Variants in PXK observed in about 807,000 individuals in gnomAD.
PXK encodes the protein PX domain-containing protein kinase-like protein.
In PXK, 35 loss-of-function variants were observed where a neutral mutation model predicts 84.7. The ratio of observed to expected loss-of-function variants is 0.41; its 90% CI spans 0.32 to 0.55. The LOEUF is 0.55. Among genes scored for constraint, PXK ranks in the 20% least tolerant of loss-of-function variants. PXK has a pLI of 0.21. For synonymous variants in PXK, 253 were observed against 260.8 expected (o/e 0.97, Z 0.29); for missense variants, 634 against 699.7 (o/e 0.91, Z 1.06).
At chr3:58,336,067 ATATATTTT>A (rs1201155405) in intron 1 of PXK, among the ~76,000 whole-genome samples, 24 of 59,510 alleles carry the variant, frequency 4.0e-4, no homozygotes, top group African/African-American at 1.2e-3. Context: ...ATATATATAT[ATATATTTT>A]TTTTTTTTTT....
At chr3:58,369,050 C>A (rs1184402733) in intron 2 of PXK, among the ~76,000 whole-genome samples, 3 of 151,448 alleles carry the variant, frequency 2.0e-5, no homozygotes, top group Non-Finnish European at 4.4e-5. Flanking sequence ...TCAAAACTGT[C>A]CATTTCCTCT....
At chr3:58,392,849 A>G (rs1461691389) in intron 7 of PXK, among the ~76,000 whole-genome samples, 1 of 151,696 alleles carries the variant, frequency 6.6e-6, no homozygotes, top group Non-Finnish European at 1.5e-5. Context: ...TTTAGTAGAG[A>G]TGGGGTTTCA....
intron 9 of PXK, 146 bp from the exon 10 acceptor site, chr3:58,396,893 G>A: frequency 1.3e-6 from 1 of 759,132 alleles, no homozygotes. Flanking sequence ...CCAAACAAAT[G>A]GGTAGAGGTG....
chr3:58,424,752 G>A lies in PXK; in HGVS notation c.1529G>A (p.Gly510Glu). 6.2e-7 allele frequency: 1 copy of A among 1,613,150 alleles called. No individual in the cohort carries two copies. The highest frequency in any genetic ancestry group is 8.5e-7 in the Non-Finnish European group (1 of 1,179,826). ...TGATTGTCCCCCTTTTCCTCCACAG[G>A]GATATCTGCATTACCTCCACCTCCT... ...PSSPTPPSTS[G>E]ISALPPPPPP... Residue 510 changes from glycine (G) to glutamate (E), a missense_variant and splice_region_variant, in exon 18 of 18, where the codon GGG becomes GAG. Gly to Glu is a moderately conservative substitution (Grantham distance 98). Coordinates refer to ENST00000356151, the MANE Select transcript of PXK (RefSeq NM_017771.5).
In PXK at chr3:58,385,218, C is replaced by T. The variant is rs930712062; in HGVS notation, c.388+2518C>T. Among the ~76,000 whole-genome samples the T allele has an allele frequency of 4.6e-5, 7 of 152,172 alleles. No homozygotes were observed. The highest frequency in any genetic ancestry group is 8.8e-5 in the Non-Finnish European group (6 of 68,026). On this transcript the variant is annotated intron_variant, in intron 4 of 17. Transcript: ENST00000356151. This position sits in a 1 kb window ranked among gnomAD's most constrained non-coding sequence, Gnocchi z 5.1. ...ATAAAAAGACCACCAGAAACTCCTG[C>T]CGGAACCTGTGCTGGCTGCTATTCA...
Position 58,397,754 on chromosome 3 carries a change from C to A in PXK, c.1102+32C>A. ...ATGGGGTTGGGAAGGGTCTTCTGGG[C>A]CCTAGTAGTGTGCAGAGCCACTCAT... On this transcript the variant is annotated intron_variant, in intron 11 of 17. Transcript: ENST00000356151. This position sits in a 1 kb window ranked among gnomAD's most constrained non-coding sequence, Gnocchi z 4.7. The A allele has an allele frequency of 6.5e-7, 1 of 1,546,554 alleles. No individual in the cohort carries two copies. Among genetic ancestry groups the A allele is most frequent in the Non-Finnish European group, 8.9e-7 (1 of 1,119,614 alleles).
chr3:58,360,523 G>A (rs111564355), intron 1 of PXK, among the ~76,000 whole-genome samples: 314 of 152,140 alleles, frequency 2.1e-3, no homozygotes, highest in African/African-American at 7.2e-3. Flanking sequence ...CAGGCTGGGC[G>A]CAGTGGCTCA....
intron 1 of PXK, among the ~76,000 whole-genome samples, chr3:58,362,015 CT>C (rs1441742316): frequency 2.0e-4 from 30 of 152,148 alleles, no homozygotes; most frequent in African/African-American, 3.6e-4. Flanking sequence ...GGTGTTATTA[CT>C]GTTTTTTATT....
At chr3:58,348,860 T>C (rs1482575515) in intron 1 of PXK, among the ~76,000 whole-genome samples, 1 of 152,090 alleles carries the variant, frequency 6.6e-6, no homozygotes, top group Non-Finnish European at 1.5e-5. Flanking sequence ...TGCAGTGAGC[T>C]ATGATTGCAC....
intron 1 of PXK, among the ~76,000 whole-genome samples, chr3:58,355,459 T>C (rs1414816743): frequency 1.3e-5 from 2 of 152,236 alleles, no homozygotes; most frequent in Non-Finnish European, 2.9e-5. Context: ...CTTGAGCGAC[T>C]TAACACGTTT....
At position 58,399,175 on chromosome 3, in the gene PXK, G is replaced by A; in HGVS notation, c.1103-124G>A. The A allele has an allele frequency of 1.2e-6, 1 of 810,464 alleles. No individual in the cohort carries two copies. The highest frequency in any genetic ancestry group is 2.0e-5 in the Admixed American group (1 of 49,304). 50.2% of individuals were successfully genotyped at this position (810,464 alleles called of 1,614,324 possible). A position where few individuals can be genotyped will look rare whatever the true frequency, so the allele number is the denominator to read the frequency against. ...CGTATGCCATCTGTCTGTGTGTGAA[G>A]ATTTTTGACACTGTCCTGATCAGCC... On this transcript the variant is annotated intron_variant, in intron 11 of 17. Coordinates refer to ENST00000356151, the MANE Select transcript of PXK (RefSeq NM_017771.5). The surrounding 1 kb of genome is among the most constrained non-coding windows in gnomAD (Gnocchi z 4.3).
At chr3:58,410,612 C>A (rs890866755) in intron 16 of PXK, among the ~76,000 whole-genome samples, 1 of 152,134 alleles carries the variant, frequency 6.6e-6, no homozygotes, top group African/African-American at 2.4e-5. Flanking sequence ...GGCAAGAAAC[C>A]GAGATGGTAC....
chr3:58,354,384 G>A lies in PXK; in HGVS notation c.103-11490G>A, dbSNP rs200381469. Among the ~76,000 whole-genome samples, 3 of 152,098 alleles carry A rather than the reference G, an allele frequency of 2.0e-5. No individual in the cohort carries two copies. In the East Asian group the frequency reaches 5.8e-4, roughly 29 times the overall value. On this transcript the variant is annotated intron_variant, in intron 1 of 17. Coordinates refer to ENST00000356151, the MANE Select transcript of PXK (RefSeq NM_017771.5). ...AGATTATGAGGTTTGGTTGGTGGTT[G>A]CGTCATCTGTTTCCTTCCACTCATG...
At chr3:58,422,966 C>CAA in intron 17 of PXK, 1 of 985,424 alleles carries the variant, frequency 1.0e-6, no homozygotes, top group Non-Finnish European at 1.2e-6. Flanking sequence ...CCCTGAATAT[C>CAA]AAGTCCAGAT....
chr3:58,343,913 C>T (rs1169172186), intron 1 of PXK, among the ~76,000 whole-genome samples: 1 of 152,200 alleles, frequency 6.6e-6, no homozygotes, highest in Non-Finnish European at 1.5e-5. Flanking sequence ...ATTTTCCTTC[C>T]TCTGAAATTC....
At position 58,385,119 on chromosome 3, in the gene PXK, CTA is replaced by C; in HGVS notation, c.388+2420_388+2421del. On this transcript the variant is annotated intron_variant, in intron 4 of 17. Coordinates refer to ENST00000356151, the MANE Select transcript of PXK (RefSeq NM_017771.5). The surrounding 1 kb of genome is among the most constrained non-coding windows in gnomAD (Gnocchi z 5.1). Reference sequence around the variant, plus strand: ...CACATGCTGTTGTTGTCTTTGATCTCTACTCCCCCTCCCCACCCCCAGGCCTC... The same window carrying C: ...CACATGCTGTTGTTGTCTTTGATCTCCTCCCCCTCCCCACCCCCAGGCCTC... Among the ~76,000 whole-genome samples the C allele has an allele frequency of 1.3e-5, 2 of 152,264 alleles. No individual in the cohort carries two copies. Among genetic ancestry groups the C allele is most frequent in the Middle Eastern group, 6.8e-3 (2 of 294 alleles).
At chr3:58,349,120 G>C (rs1259981055) in intron 1 of PXK, among the ~76,000 whole-genome samples, 3 of 150,264 alleles carry the variant, frequency 2.0e-5, no homozygotes, top group Non-Finnish European at 4.4e-5. Flanking sequence ...TGTAGCCCCA[G>C]TTACTAGGGA....
intron 17 of PXK, chr3:58,420,706 T>C: frequency 6.8e-7 from 1 of 1,475,740 alleles, no homozygotes; most frequent in Non-Finnish European, 8.9e-7. Flanking sequence ...TATCTGAATA[T>C]TTAAATGAAA....
Position 58,382,532 on chromosome 3 carries a change from C to T in PXK, c.220C>T (p.Pro74Ser), listed in dbSNP as rs1365336999. 2 of 1,566,596 alleles carry T rather than the reference C, an allele frequency of 1.3e-6. No homozygotes were observed. Among genetic ancestry groups the T allele is most frequent in the Non-Finnish European group, 1.7e-6 (2 of 1,162,826 alleles). Residue 74 changes from proline (P) to serine (S), a missense_variant, in exon 4 of 18, where the codon CCT becomes TCT. Physicochemically the swap from Pro to Ser is moderately conservative, Grantham distance 74. This residue lies in a region of PXK where 353 missense variants were observed against 385.2 expected (regional missense o/e 0.92). Coordinates refer to ENST00000356151, the MANE Select transcript of PXK (RefSeq NM_017771.5). ...TTTAAAGATTGCAGGCCTAAGTCTACCTCTTCCTCCCAAAAAATTGATTGG... is the reference window on the plus strand; with the variant it reads ...TTTAAAGATTGCAGGCCTAAGTCTATCTCTTCCTCCCAAAAAATTGATTGG... ...NSLQIAGLSLPLPPKKLIGNM... is the reference protein window; with the variant it reads ...NSLQIAGLSLSLPPKKLIGNM...
Sources: gnomAD v4.1 joint callset for allele counts (sites outside exome capture counted in the v4.1 genomes callset) on GRCh38, gnomAD v4.1.1 for gene constraint, gnomAD v4.1.1 regional missense constraint, Gnocchi (gnomAD v3.1) non-coding constraint, MANE v1.5 for transcripts, NCBI Gene and HGNC (gene_info 2026-07-23, HGNC 2026-07-21) for gene names.